The following MYCBPAP variants were observed in gnomAD, a reference collection of about 807,000 sequenced individuals.
The protein encoded by MYCBPAP is MYCBP associated protein.
In MYCBPAP, 60 loss-of-function variants were observed where a neutral mutation model predicts 106.1. The observed-to-expected ratio is 0.57, with a 90% CI of 0.46 to 0.70. The LOEUF (loss-of-function observed/expected upper bound fraction) is 0.70. Ranked by LOEUF, MYCBPAP falls within the 30% of genes least tolerant of loss-of-function variation. The pLI, the probability that MYCBPAP is intolerant of heterozygous loss-of-function variation, is 0.00. For synonymous variants in MYCBPAP, 407 were observed against 440.6 expected (o/e 0.92, Z 0.95); for missense variants, 1,064 against 1,169.3 (o/e 0.91, Z 1.31).
intron 18 of MYCBPAP, chr17:50,529,906 GT>G: frequency 2.2e-6 from 1 of 445,708 alleles, no homozygotes; most frequent in South Asian, 1.6e-5. Flanking sequence ...CAGGTTTTCC[GT>G]TTTGTTTGTT....
chr17:50,522,718 ATATATATTTG>A (rs1196338811), intron 10 of MYCBPAP: 1 of 128,522 alleles, frequency 7.8e-6, no homozygotes, highest in Non-Finnish European at 1.6e-5. Context: ...AAATATATAT[ATATATATTTG>A]TTTTATCTTC....
intron 7 of MYCBPAP, 121 bp downstream of exon 7, chr17:50,519,908 T>G: frequency 2.6e-6 from 3 of 1,169,060 alleles, no homozygotes; most frequent in African/African-American, 1.6e-5. Flanking sequence ...TCTGTGGTTC[T>G]CTGGGGTCTT....
rs1403003860 is a variant in MYCBPAP at position 50,508,500 on chromosome 17, T to G, written c.-175T>G. The G allele has an allele frequency of 2.0e-6, 3 of 1,509,576 alleles. No homozygotes were observed. Among genetic ancestry groups the G allele is most frequent in the Non-Finnish European group, 2.7e-6 (3 of 1,128,100 alleles). The allele number at this position is 1,509,576 out of a possible 1,614,324, so 93.5% of individuals were successfully genotyped here. On this transcript the variant is annotated 5_prime_UTR_variant, in exon 1 of 19. The change abolishes an upstream ATG in the 5' untranslated region. Transcript: ENST00000323776. ...GGCGGCGGGCGCGTGCGCGGCCCGA[T>G]GAAGAAGGAGGTTTCCAAGCCGTCT...
At chr17:50,511,706 G>A (rs1211194552) in intron 1 of MYCBPAP, among the ~76,000 whole-genome samples, 1 of 152,126 alleles carries the variant, frequency 6.6e-6, no homozygotes, top group East Asian at 1.9e-4. Context: ...ATGTCAGCTG[G>A]GTGGCTCACT....
intron 12 of MYCBPAP, among the ~76,000 whole-genome samples, chr17:50,524,609 G>A (rs2034388027): frequency 6.6e-6 from 1 of 152,130 alleles, no homozygotes. Context: ...CCAGGCAGCA[G>A]CAGCTGTCAC....
At chr17:50,519,135 AG>A in intron 6 of MYCBPAP, 46 bp downstream of exon 6, 1 of 568,238 alleles carries the variant, frequency 1.8e-6, no homozygotes, top group Non-Finnish European at 2.8e-6. Flanking sequence ...GGGTCCATGG[AG>A]GAGGGGGCGG....
intron 12 of MYCBPAP, 35 bp from the exon 13 acceptor site, chr17:50,524,842 T>C: frequency 6.2e-7 from 1 of 1,604,962 alleles, no homozygotes; most frequent in Non-Finnish European, 8.5e-7. Context: ...TTTGATAGCC[T>C]GGGCTGCCAT....
intron 18 of MYCBPAP, chr17:50,529,961 T>G: frequency 2.3e-6 from 1 of 425,634 alleles, no homozygotes; most frequent in South Asian, 1.6e-5. Context: ...AAAGCCATTT[T>G]CAATATGTCA....
At chr17:50,519,448 G>A (rs2034176796) in intron 6 of MYCBPAP, 192 bp from the exon 7 acceptor site, 2 of 675,204 alleles carry the variant, frequency 3.0e-6, no homozygotes, top group Non-Finnish European at 5.0e-6. Context: ...CATCTGGCTG[G>A]GGGCAGGTAA....
intron 12 of MYCBPAP, 144 bp from the exon 13 acceptor site, chr17:50,524,733 T>TGAGAGA: frequency 3.5e-6 from 1 of 288,248 alleles, no homozygotes; most frequent in African/African-American, 4.6e-5. Flanking sequence ...TGTGTGTGTG[T>TGAGAGA]GTGTGAGAGA....
upstream of MYCBPAP, chr17:50,508,319 C>T: frequency 2.2e-6 from 1 of 464,604 alleles, no homozygotes; most frequent in Non-Finnish European, 3.8e-6. Context: ...CCACTCCCAC[C>T]CAGCCCTCGG....
intron 1 of MYCBPAP, chr17:50,510,499 G>GTGTATGTATA (rs1418345705): frequency 1.3e-5 from 1 of 76,414 alleles, no homozygotes; most frequent in Admixed American, 1.6e-4. Context: ...GTGTGTGTGT[G>GTGTATGTATA]TATATATATA....
intron 18 of MYCBPAP, chr17:50,530,037 T>C: frequency 2.7e-6 from 1 of 366,408 alleles, no homozygotes; most frequent in Non-Finnish European, 5.5e-6. Context: ...GATTACATCA[T>C]GTATTGTGGT....
At chr17:50,515,372 G>A (rs1006185394) in intron 1 of MYCBPAP, among the ~76,000 whole-genome samples, 4 of 151,000 alleles carry the variant, frequency 2.6e-5, no homozygotes, top group East Asian at 1.9e-4. Context: ...ACAGTGCCTG[G>A]CATGTAGAAG....
chr17:50,517,991 C>T (rs1041867401), intron 4 of MYCBPAP, among the ~76,000 whole-genome samples: 1 of 152,226 alleles, frequency 6.6e-6, no homozygotes, highest in Non-Finnish European at 1.5e-5. Flanking sequence ...GGACTCAGGG[C>T]CCACATGCCT....
At chr17:50,518,851 T>C in intron 5 of MYCBPAP, 123 bp from the exon 6 acceptor site, 2 of 1,441,384 alleles carry the variant, frequency 1.4e-6, no homozygotes, top group Non-Finnish European at 1.9e-6. Context: ...CAAGAGTGTC[T>C]CACTCTGAAG....
chr17:50,522,713 T>C (rs866781439), intron 10 of MYCBPAP: 2 of 46,100 alleles, frequency 4.3e-5, no homozygotes, highest in Non-Finnish European at 3.8e-5. Context: ...AAAAAAAATA[T>C]ATATATATAT....
Position 50,518,744 on chromosome 17 carries a change from C to A in MYCBPAP, c.652+20C>A. 1 of 1,556,242 alleles carries A rather than the reference C, an allele frequency of 6.4e-7. No homozygotes were observed. The highest frequency in any genetic ancestry group is 8.7e-7 in the Non-Finnish European group (1 of 1,154,536). ...TCAGCGGTGAGCAGAGCAGACAGGG[C>A]TCCCGCCCGGCCTCCATCTGGCAGC... On this transcript the variant is annotated intron_variant, in intron 5 of 18. Coordinates refer to ENST00000323776, the MANE Select transcript of MYCBPAP (RefSeq NM_032133.6).
At chr17:50,522,709 A>AAATATATATATATAT in intron 10 of MYCBPAP, 4 of 50,040 alleles carry the variant, frequency 8.0e-5, no homozygotes, top group Non-Finnish European at 6.8e-5. Context: ...AAAAAAAAAA[A>AAATATATATATATAT]ATATATATAT....
Sources: allele counts gnomAD v4.1 joint callset (sites outside exome capture counted in the v4.1 genomes callset), GRCh38; gene constraint gnomAD v4.1.1; transcripts MANE v1.5; gene names NCBI Gene and HGNC (gene_info 2026-07-23, HGNC 2026-07-21).